Variants in PPP2R2C observed in about 807,000 individuals in gnomAD.
PPP2R2C encodes the protein protein phosphatase 2 regulatory subunit Bgamma.
A neutral mutation model predicts 45.3 loss-of-function variants in PPP2R2C; 10 were observed. The observed-to-expected ratio is 0.22, with a 90% CI of 0.14 to 0.37. The LOEUF (loss-of-function observed/expected upper bound fraction) is 0.37. Among genes scored for constraint, PPP2R2C ranks in the 10% least tolerant of loss-of-function variants. The probability of loss-of-function intolerance (pLI) is 1.00; values close to 1 mark genes in which losing one functional copy is unlikely to be tolerated. For synonymous variants in PPP2R2C, 257 were observed against 245.4 expected, an observed-to-expected ratio of 1.05 and a Z score of -0.44; for missense variants, 308 against 619.7, an observed-to-expected ratio of 0.50 and a Z score of 5.34.
At chr4:6,436,417 A>G (rs1445577134) in intron 1 of PPP2R2C, among the ~76,000 whole-genome samples, 2 of 152,178 alleles carry the variant, frequency 1.3e-5, no homozygotes, top group African/African-American at 4.8e-5. Context: ...TCCTGCACCC[A>G]TTTTTGACCT....
At chr4:6,510,787 C>G (rs1723403848) in intron 2 of PPP2R2C, among the ~76,000 whole-genome samples, 1 of 152,048 alleles carries the variant, frequency 6.6e-6, no homozygotes. Context: ...ACCATCCTGG[C>G]TAACACAGTG....
intron 2 of PPP2R2C, among the ~76,000 whole-genome samples, chr4:6,485,088 G>C (rs1270674387): frequency 6.6e-6 from 1 of 151,720 alleles, no homozygotes; most frequent in East Asian, 1.9e-4. Context: ...TCTATTCCTA[G>C]TTTCCTGACA....
At chr4:6,500,129 A>C (rs191182808) in intron 2 of PPP2R2C, among the ~76,000 whole-genome samples, 2 of 152,202 alleles carry the variant, frequency 1.3e-5, no homozygotes, top group African/African-American at 4.8e-5. Context: ...TTAAGATTGC[A>C]GTGGCAGAAG....
chr4:6,356,332 G>A (rs568950705), intron 5 of PPP2R2C, among the ~76,000 whole-genome samples: 3 of 152,326 alleles, frequency 2.0e-5, no homozygotes, highest in African/African-American at 7.2e-5. Flanking sequence ...TGCCTTCCAT[G>A]AGTGAGGTGT....
intron 2 of PPP2R2C, among the ~76,000 whole-genome samples, chr4:6,532,193 T>A (rs1724426625): frequency 6.6e-6 from 1 of 152,236 alleles, no homozygotes; most frequent in African/African-American, 2.4e-5. Flanking sequence ...GGCCTGGCCA[T>A]GGCAAGTGCG....
At chr4:6,529,631 C>G in intron 2 of PPP2R2C, among the ~76,000 whole-genome samples, 1 of 152,222 alleles carries the variant, frequency 6.6e-6, no homozygotes, top group South Asian at 2.1e-4. Flanking sequence ...TACCCCATCC[C>G]CCATCCCTCT....
chr4:6,477,954 T>C (rs773518632), intron 2 of PPP2R2C, among the ~76,000 whole-genome samples: 14 of 152,148 alleles, frequency 9.2e-5, no homozygotes, highest in Non-Finnish European at 1.9e-4. Context: ...ATGTGGTCCG[T>C]GTTCCCCTTC....
intron 2 of PPP2R2C, among the ~76,000 whole-genome samples, chr4:6,519,137 G>C (rs998261861): frequency 6.6e-5 from 10 of 152,106 alleles, no homozygotes; most frequent in Non-Finnish European, 1.3e-4. Context: ...AGACTCCTGA[G>C]AGGGGAGCAT....
intron 1 of PPP2R2C, among the ~76,000 whole-genome samples, chr4:6,439,339 G>A (rs768404438): frequency 6.6e-5 from 10 of 152,206 alleles, no homozygotes; most frequent in African/African-American, 9.7e-5. Context: ...AGTTTGTGAC[G>A]TGCACTGATT....
In PPP2R2C at chr4:6,323,059, G is replaced by A. The variant is rs1383671567; in HGVS notation, c.*243C>T. 1.7e-5 allele frequency: 7 copies of A among 418,048 alleles called. No individual in the cohort carries two copies. Among genetic ancestry groups the A allele is most frequent in the Admixed American group, 4.1e-5 (1 of 24,510 alleles). 25.9% of individuals were successfully genotyped at this position (418,048 alleles called of 1,614,324 possible). ...CAGTCATGTCCATTTTATGATTTGT[G>A]GCGGTGAACGCTTCCTTTCCTTTTT... On this transcript the variant is annotated 3_prime_UTR_variant, in exon 9 of 9. Coordinates refer to ENST00000382599, the MANE Select transcript of PPP2R2C (RefSeq NM_020416.4).
upstream of PPP2R2C, among the ~76,000 whole-genome samples, chr4:6,474,697 G>T (rs1207037931): frequency 9.2e-5 from 14 of 152,024 alleles, no homozygotes; most frequent in Admixed American, 8.5e-4. Flanking sequence ...CCCAAGGCTT[G>T]CATCCATCCC....
intron 2 of PPP2R2C, among the ~76,000 whole-genome samples, chr4:6,497,124 G>A (rs929550239): frequency 1.5e-4 from 23 of 152,102 alleles, no homozygotes; most frequent in Non-Finnish European, 2.8e-4. Context: ...AAAGAGGGAG[G>A]AGGCACCCCA....
chr4:6,363,596 A>G (rs1714019221), intron 5 of PPP2R2C, among the ~76,000 whole-genome samples: 1 of 151,868 alleles, frequency 6.6e-6, no homozygotes, highest in Admixed American at 6.6e-5. Flanking sequence ...AAAAGAAAAG[A>G]AAAAGAAAGA....
At chr4:6,529,323 T>A (rs1412146522) in intron 2 of PPP2R2C, among the ~76,000 whole-genome samples, 2 of 152,152 alleles carry the variant, frequency 1.3e-5, no homozygotes. Context: ...GACTGGCCTC[T>A]CCCCTGCAGC....
At chr4:6,509,407 G>C (rs774930334) in intron 2 of PPP2R2C, among the ~76,000 whole-genome samples, 1 of 151,682 alleles carries the variant, frequency 6.6e-6, no homozygotes, top group Non-Finnish European at 1.5e-5. Context: ...GATATTCAGG[G>C]GGAAAAAAAG....
At chr4:6,352,398 T>A (rs1363167214) in intron 5 of PPP2R2C, among the ~76,000 whole-genome samples, 2 of 152,192 alleles carry the variant, frequency 1.3e-5, no homozygotes, top group African/African-American at 4.8e-5. Flanking sequence ...TAAATCCTGC[T>A]TGAAAAACTG....
intron 1 of PPP2R2C, among the ~76,000 whole-genome samples, chr4:6,427,360 G>C (rs4689442): frequency 0.99 from 150,955 of 152,356 alleles, 74,801 homozygotes; most frequent in Middle Eastern, 1. Context: ...ACTCAACAAC[G>C]ACCTCCTTGG....
intron 2 of PPP2R2C, among the ~76,000 whole-genome samples, chr4:6,519,080 A>G (rs920831709): frequency 6.6e-6 from 1 of 152,148 alleles, no homozygotes; most frequent in African/African-American, 2.4e-5. Flanking sequence ...AATTATAGCA[A>G]TTCTCCACCA....
chr4:6,467,212 G>A (rs531183461), intron 1 of PPP2R2C, among the ~76,000 whole-genome samples: 29 of 152,266 alleles, frequency 1.9e-4, no homozygotes, highest in African/African-American at 7.0e-4. Flanking sequence ...AAAAGTCAAA[G>A]GCTGACTCTC....
Sources: allele counts gnomAD v4.1 joint callset (sites outside exome capture counted in the v4.1 genomes callset), GRCh38; gene constraint gnomAD v4.1.1; transcripts MANE v1.5; gene names NCBI Gene and HGNC (gene_info 2026-07-23, HGNC 2026-07-21).